SYNE2: variants seen among roughly 807,000 people sequenced by gnomAD.
The protein encoded by SYNE2 is spectrin repeat containing nuclear envelope protein 2.
Under a neutral mutation model 856.3 loss-of-function variants are expected in SYNE2, and 431 were observed. The ratio of observed to expected loss-of-function variants is 0.50; its 90% CI spans 0.47 to 0.55. SYNE2 has a LOEUF of 0.55. SYNE2 is among the 20% of genes least tolerant of loss of function. The probability of loss-of-function intolerance (pLI) is 0.00; values close to 1 mark genes in which losing one functional copy is unlikely to be tolerated. For missense variants in SYNE2, 8,129 were observed against 8,023.2 expected (o/e 1.01, Z -0.50); for synonymous variants, 2,923 against 2,872.3 (o/e 1.02, Z -0.56).
chr14:63,833,573 AT>A (rs1469360752), intron 1 of SYNE2, among the ~76,000 whole-genome samples: 1 of 152,278 alleles, frequency 6.6e-6, no homozygotes, highest in East Asian at 1.9e-4. Context: ...CTCTTCTCTA[AT>A]ATACTGTTTA....
intron 60 of SYNE2, among the ~76,000 whole-genome samples, 164 bp from the exon 61 acceptor site, chr14:64,093,185 C>T (rs1219564613): frequency 2.0e-5 from 3 of 152,180 alleles, no homozygotes; most frequent in Admixed American, 6.5e-5. Context: ...GTCAGCTTTG[C>T]AAACATTCTT....
intron 21 of SYNE2, among the ~76,000 whole-genome samples, chr14:63,992,341 G>C (rs1416001401): frequency 6.6e-6 from 1 of 152,006 alleles, no homozygotes; most frequent in Non-Finnish European, 1.5e-5. Flanking sequence ...CAGTGGTGCT[G>C]TCTCAGCTCA....
intron 100 of SYNE2, among the ~76,000 whole-genome samples, chr14:64,207,238 T>C (rs562068834): frequency 8.5e-5 from 13 of 152,298 alleles, no homozygotes; most frequent in Admixed American, 3.9e-4. Flanking sequence ...TATATCAACC[T>C]AAACACTCAA....
At position 64,053,012 on chromosome 14, in the gene SYNE2, A is replaced by C. The variant is rs1196381706; in HGVS notation, c.9099A>C (p.Glu3033Asp). The C allele has an allele frequency of 6.2e-7, 1 of 1,611,760 alleles. No homozygotes were observed. The highest frequency in any genetic ancestry group is 8.5e-7 in the Non-Finnish European group (1 of 1,179,610). Residue 3033 changes from glutamate to aspartate, a missense_variant, in exon 48 of 116, where the codon GAA (glutamate) becomes GAC (aspartate). Around this residue, in one of 3 missense-constraint regions of SYNE2, gnomAD observed 5,410 missense variants for 5,284.8 expected, o/e 1.02. Transcript: ENST00000555002. Reference protein sequence around the residue: ...QVFEKEKELEEKIKQLDTFEE... With the variant: ...QVFEKEKELEDKIKQLDTFEE... ...TTGAAAAAGAAAAGGAACTTGAAGAAAAAATTAAGCAGTTGGACACATTTG... is the reference window on the plus strand; with the variant it reads ...TTGAAAAAGAAAAGGAACTTGAAGACAAAATTAAGCAGTTGGACACATTTG...
intron 1 of SYNE2, among the ~76,000 whole-genome samples, chr14:63,796,936 G>A (rs111964343): frequency 1.1e-4 from 17 of 151,884 alleles, no homozygotes; most frequent in Non-Finnish European, 1.9e-4. Flanking sequence ...AAAATTAGCC[G>A]GGTGTGGTGG....
intron 84 of SYNE2, among the ~76,000 whole-genome samples, chr14:64,151,235 C>T (rs895238349): frequency 6.6e-6 from 1 of 151,726 alleles, no homozygotes; most frequent in Non-Finnish European, 1.5e-5. Context: ...CAAGAGTGAC[C>T]TGAGGGCTCC....
intron 1 of SYNE2, among the ~76,000 whole-genome samples, chr14:63,800,925 T>C (rs1053971354): frequency 3.3e-5 from 5 of 152,128 alleles, no homozygotes; most frequent in African/African-American, 1.2e-4. Context: ...AGTTTACCTA[T>C]GTAACAAACC....
At chr14:63,908,504 G>A (rs2095435358) in intron 1 of SYNE2, among the ~76,000 whole-genome samples, 1 of 152,162 alleles carries the variant, frequency 6.6e-6, no homozygotes, top group African/African-American at 2.4e-5. Context: ...GAATCAAGGT[G>A]GGGCGAGGGG....
chr14:63,895,558 G>A (rs1333036261), intron 1 of SYNE2, among the ~76,000 whole-genome samples: 2 of 145,088 alleles, frequency 1.4e-5, no homozygotes, highest in Non-Finnish European at 1.5e-5. Flanking sequence ...TTTGAGACCA[G>A]CCTGGGCAAC....
At chr14:64,217,303 T>A (rs1185796955) in intron 108 of SYNE2, among the ~76,000 whole-genome samples, 1 of 151,296 alleles carries the variant, frequency 6.6e-6, no homozygotes, top group Non-Finnish European at 1.5e-5. Flanking sequence ...ATTATTCCTG[T>A]ATTGGTTTGT....
intron 52 of SYNE2, 110 bp downstream of exon 52, chr14:64,071,020 A>T (rs1243900293): frequency 2.7e-6 from 3 of 1,108,360 alleles, no homozygotes; most frequent in African/African-American, 3.1e-5. Flanking sequence ...AATTGAGGTG[A>T]GACAACACTG....
intron 96 of SYNE2, among the ~76,000 whole-genome samples, chr14:64,186,197 A>C (rs2098489417): frequency 6.6e-6 from 1 of 152,236 alleles, no homozygotes; most frequent in South Asian, 2.1e-4. Context: ...TACCTGAGGA[A>C]ATGAAAATAA....
intron 53 of SYNE2, among the ~76,000 whole-genome samples, chr14:64,074,460 T>C (rs2097440476): frequency 1.3e-5 from 2 of 152,188 alleles, no homozygotes; most frequent in Admixed American, 1.3e-4. Flanking sequence ...CATTACTCCT[T>C]TAGTAGGACA....
At chr14:63,861,625 C>CA (rs111291532) in intron 1 of SYNE2, among the ~76,000 whole-genome samples, 1 of 150,120 alleles carries the variant, frequency 6.7e-6, no homozygotes, top group Non-Finnish European at 1.5e-5. Flanking sequence ...ACCCCAATCT[C>CA]AAAAAAAAAA....
intron 90 of SYNE2, 105 bp downstream of exon 90, chr14:64,165,515 C>CTTGTT: frequency 7.8e-7 from 1 of 1,289,176 alleles, no homozygotes; most frequent in Non-Finnish European, 1.1e-6. Flanking sequence ...CTAACTCACT[C>CTTGTT]TTATTTTTTT....
At chr14:64,166,201 A>C (rs947552184) in intron 90 of SYNE2, among the ~76,000 whole-genome samples, 1 of 152,166 alleles carries the variant, frequency 6.6e-6, no homozygotes, top group Non-Finnish European at 1.5e-5. Flanking sequence ...TTTTAAATAA[A>C]ATTTTGATGG....
intron 85 of SYNE2, among the ~76,000 whole-genome samples, chr14:64,158,101 T>C (rs1484086437): frequency 6.6e-6 from 1 of 152,218 alleles, no homozygotes; most frequent in Non-Finnish European, 1.5e-5. Flanking sequence ...ATCATTTTGG[T>C]AGAGCATGTT....
chr14:64,071,988 A>G (rs1455042050), intron 52 of SYNE2, among the ~76,000 whole-genome samples: 1 of 152,270 alleles, frequency 6.6e-6, no homozygotes, highest in East Asian at 1.9e-4. Flanking sequence ...ATTGCACTCC[A>G]GCCTGAAACG....
Position 64,130,031 on chromosome 14 carries a change from T to G in SYNE2, c.14140-17T>G, listed in dbSNP as rs2097998433. 1 of 1,613,486 alleles carries G rather than the reference T, an allele frequency of 6.2e-7. No individual in the cohort carries two copies. Among genetic ancestry groups the G allele is most frequent in the East Asian group, 2.2e-5 (1 of 44,878 alleles). ...TTGGATGAAAATGCATGTGTGCACC[T>G]GCTCTTCTCTTTTCAGGATGTACTT... On this transcript the variant is annotated splice_polypyrimidine_tract_variant and intron_variant, in intron 75 of 115. Coordinates refer to ENST00000555002, the MANE Select transcript of SYNE2 (RefSeq NM_182914.3).
Sources: gnomAD v4.1 joint callset for allele counts (sites outside exome capture counted in the v4.1 genomes callset) on GRCh38, gnomAD v4.1.1 for gene constraint, gnomAD v4.1.1 regional missense constraint, MANE v1.5 for transcripts, NCBI Gene and HGNC (gene_info 2026-07-23, HGNC 2026-07-21) for gene names.